Variants in LRFN5 observed in about 807,000 individuals in gnomAD.
LRFN5 encodes the protein leucine rich repeat and fibronectin type III domain containing 5, also known as leucine-rich repeat and fibronectin type-III domain-containing protein 5.
A neutral mutation model predicts 45.6 loss-of-function variants in LRFN5; 24 were observed. The observed-to-expected ratio is 0.53, with a 90% CI of 0.38 to 0.74. The LOEUF is 0.74. LRFN5 is among the 30% of genes least tolerant of loss of function. The pLI is 0.00. For missense variants in LRFN5, 776 were observed against 861.5 expected (o/e 0.90, Z 1.24); for synonymous variants, 340 against 313.8 (o/e 1.08, Z -0.88).
intron 4 of LRFN5, chr14:41,892,200 T>C (rs139404508): frequency 0.016 from 16,044 of 985,208 alleles, 123 homozygotes; most frequent in Non-Finnish European, 0.018. Context: ...ATTTATAATT[T>C]CTTTTTCATG....
In LRFN5 at chr14:41,883,316, A is replaced by G. The variant is rs1174919410; in HGVS notation, c.-20-3290A>G. Among the ~76,000 whole-genome samples the G allele has an allele frequency of 2.0e-5, 3 of 151,542 alleles. No individual in the cohort carries two copies. The Admixed American group carries it at 2.0e-4, about 10-fold the overall frequency. On this transcript the variant is annotated intron_variant, in intron 2 of 5. Transcript: ENST00000298119. ...CAGTGATGGTTTCTTATTACTTTCTATATTTATTCCAGAAATACTATTTAT... is the reference window on the plus strand; with the variant it reads ...CAGTGATGGTTTCTTATTACTTTCTGTATTTATTCCAGAAATACTATTTAT...
intron 1 of LRFN5, among the ~76,000 whole-genome samples, chr14:41,712,455 G>C (rs1044113731): frequency 6.6e-6 from 1 of 152,064 alleles, no homozygotes; most frequent in Non-Finnish European, 1.5e-5. Context: ...TTTTGCGTTA[G>C]TTTTGTATCT....
At chr14:41,699,955 G>A (rs537934580) in intron 1 of LRFN5, 43 of 152,226 alleles carry the variant, frequency 2.8e-4, no homozygotes, top group African/African-American at 1.0e-3. Flanking sequence ...GAGAATAGGA[G>A]GAGGGGATAT....
chr14:41,632,085 C>T (rs1020134594), intron 1 of LRFN5, among the ~76,000 whole-genome samples: 1 of 151,542 alleles, frequency 6.6e-6, no homozygotes, highest in Non-Finnish European at 1.5e-5. Context: ...AGAGTTCTGG[C>T]GTAGGAAGTG....
chr14:41,822,334 A>G (rs1353766990), intron 2 of LRFN5, among the ~76,000 whole-genome samples: 1 of 151,850 alleles, frequency 6.6e-6, no homozygotes, highest in Non-Finnish European at 1.5e-5. Flanking sequence ...CATACCCCAA[A>G]GGTTTTGGTT....
At chr14:41,691,758 A>T (rs1882388091) in intron 1 of LRFN5, among the ~76,000 whole-genome samples, 1 of 152,086 alleles carries the variant, frequency 6.6e-6, no homozygotes, top group Non-Finnish European at 1.5e-5. Flanking sequence ...TTTCCAGATT[A>T]TCCCCATTCC....
At position 41,736,681 on chromosome 14, in the gene LRFN5, C is replaced by G. The variant is rs946433696; in HGVS notation, c.-196-30173C>G. Reference sequence around the variant, plus strand: ...TGATAAAGGGGACATCACCATTGATCCCACAGAAATACAAACTGCCATCAG... The same window carrying G: ...TGATAAAGGGGACATCACCATTGATGCCACAGAAATACAAACTGCCATCAG... On this transcript the variant is annotated intron_variant, in intron 1 of 5. Transcript: ENST00000298119. Among the ~76,000 whole-genome samples the G allele has an allele frequency of 2.6e-5, 4 of 152,214 alleles. No homozygotes were observed. The East Asian group carries it at 7.7e-4, about 29-fold the overall frequency.
At chr14:41,610,349 C>A (rs950430866) in intron 1 of LRFN5, among the ~76,000 whole-genome samples, 18 of 152,184 alleles carry the variant, frequency 1.2e-4, no homozygotes, top group African/African-American at 4.3e-4. Context: ...CATGATTTAT[C>A]AGGATTAAAA....
At chr14:41,610,502 C>A (rs903298989) in intron 1 of LRFN5, among the ~76,000 whole-genome samples, 1 of 151,618 alleles carries the variant, frequency 6.6e-6, no homozygotes, top group Non-Finnish European at 1.5e-5. Context: ...TAACCTCCCT[C>A]TCCCACCTGG....
In LRFN5 at chr14:41,765,308, C is replaced by G. The variant is rs181987642; in HGVS notation, c.-196-1546C>G. On this transcript the variant is annotated intron_variant, in intron 1 of 5. Transcript: ENST00000298119. ...AGTGAGCCGAGATCGCGCCACTGCA[C>G]TCCAGCCTGGGCTACTGAGCGAGAC... 1.9e-4 allele frequency among the ~76,000 whole-genome samples: 28 copies of G among 148,702 alleles called. No homozygotes were observed. The East Asian group carries it at 5.7e-3, about 30-fold the overall frequency.
At chr14:41,709,765 G>A (rs145889520) in intron 1 of LRFN5, among the ~76,000 whole-genome samples, 4 of 151,930 alleles carry the variant, frequency 2.6e-5, no homozygotes, top group Admixed American at 2.6e-4. Context: ...GATAATATAA[G>A]CTTATTTTGA....
At chr14:41,778,041 T>G (rs1886355148) in intron 2 of LRFN5, among the ~76,000 whole-genome samples, 1 of 150,440 alleles carries the variant, frequency 6.6e-6, no homozygotes, top group African/African-American at 2.4e-5. Flanking sequence ...GGGAAGATTA[T>G]ACTTTTGAAT....
chr14:41,881,733 A>C (rs558842177), intron 2 of LRFN5, among the ~76,000 whole-genome samples: 1 of 151,706 alleles, frequency 6.6e-6, no homozygotes, highest in South Asian at 2.1e-4. Context: ...TTTTCTATTG[A>C]TTTGTCTTCA....
chr14:41,702,448 T>G lies in LRFN5; in HGVS notation c.-196-64406T>G, dbSNP rs767051748. On this transcript the variant is annotated intron_variant, in intron 1 of 5. Transcript: ENST00000298119. ...CAAGGGCTGAATGTGATTCTTCTTG[T>G]TGGTGGTGAAGGTTTTGTTTGTTTG... Among the ~76,000 whole-genome samples, 16 of 148,932 alleles carry G rather than the reference T, an allele frequency of 1.1e-4. No homozygotes were observed. In the South Asian group the frequency reaches 1.8e-3, roughly 17 times the overall value.
intron 2 of LRFN5, among the ~76,000 whole-genome samples, chr14:41,870,525 C>G (rs973174923): frequency 2.0e-5 from 3 of 152,200 alleles, no homozygotes; most frequent in Admixed American, 2.0e-4. Flanking sequence ...AGGGGAACTC[C>G]CCTTTATAAA....
intron 4 of LRFN5, chr14:41,892,616 C>T: frequency 1.0e-6 from 1 of 983,026 alleles, no homozygotes; most frequent in Non-Finnish European, 1.2e-6. Context: ...TAGAGAACAA[C>T]TTCATGTTGC....
chr14:41,615,225 C>T (rs1235131684), intron 1 of LRFN5, among the ~76,000 whole-genome samples: 1 of 152,084 alleles, frequency 6.6e-6, no homozygotes. Context: ...ATCACTCCAA[C>T]TAAAATATAT....
intron 1 of LRFN5, among the ~76,000 whole-genome samples, chr14:41,620,257 A>G (rs1810567579): frequency 6.6e-6 from 1 of 152,136 alleles, no homozygotes. Flanking sequence ...GTAACTAACT[A>G]TTGTTAAACT....
At chr14:41,776,810 T>G (rs1469712739) in intron 2 of LRFN5, among the ~76,000 whole-genome samples, 3 of 152,124 alleles carry the variant, frequency 2.0e-5, no homozygotes, top group African/African-American at 7.2e-5. Flanking sequence ...ATAAAGATAT[T>G]TTCCTAGGCA....
Sources: allele counts gnomAD v4.1 joint callset (sites outside exome capture counted in the v4.1 genomes callset), GRCh38; gene constraint gnomAD v4.1.1; transcripts MANE v1.5; gene names NCBI Gene and HGNC (gene_info 2026-07-23, HGNC 2026-07-21).